Variants in PHOX2A observed in about 807,000 individuals in gnomAD.
PHOX2A encodes paired mesoderm homeobox protein 2A.
Under a neutral mutation model 16.4 loss-of-function variants are expected in PHOX2A, and 10 were observed. The observed-to-expected ratio is 0.61, with a 90% CI of 0.38 to 1.04. PHOX2A has a LOEUF of 1.04. Ranked by LOEUF, PHOX2A falls within the 50% of genes least tolerant of loss-of-function variation. The pLI is 0.01. For missense variants in PHOX2A, 361 were observed against 419.4 expected, an observed-to-expected ratio of 0.86 and a Z score of 1.22; for synonymous variants, 219 against 203.8, an observed-to-expected ratio of 1.07 and a Z score of -0.64.
Position 72,239,695 on chromosome 11 carries a change from T to C in PHOX2A, c.*54A>G. On this transcript the variant is annotated 3_prime_UTR_variant, in exon 3 of 3. Transcript: ENST00000298231. The stretch of plus-strand genomic sequence containing the variant: ...CAGGATGGGAGGGGCTGTCAGGTCC[T>C]GGAGGGGCAGGGACGTCTCTGGGGG... 2 of 1,268,868 alleles carry C rather than the reference T, an allele frequency of 1.6e-6. No individual in the cohort carries two copies. The highest frequency in any genetic ancestry group is 6.8e-5 in the Admixed American group (2 of 29,312). 78.6% of individuals were successfully genotyped at this position (1,268,868 alleles called of 1,614,324 possible). A position where few individuals can be genotyped will look rare whatever the true frequency, so the allele number is the denominator to read the frequency against.
intron 2 of PHOX2A, 59 bp downstream of exon 2, chr11:72,241,043 A>G: frequency 1.3e-6 from 2 of 1,552,930 alleles, no homozygotes; most frequent in South Asian, 1.1e-5. Context: ...GGTGTTAGAC[A>G]TTAAGCTCCC....
At position 72,239,841 on chromosome 11, in the gene PHOX2A, G is replaced by A; in HGVS notation, c.763C>T (p.Gln255Ter). Residue 255 changes from glutamine (Q) to a stop codon, truncating the protein, a stop_gained, in exon 3 of 3, where the codon CAG becomes TAG. Transcript: ENST00000298231. LOFTEE classifies it high-confidence loss of function. ...AGAAELLKAWQPAESGPGPFS... is the reference protein window; with the variant it reads ...AGAAELLKAW Reference sequence around the variant, plus strand: ...GGCCCGGGGCCGGACTCCGCCGGCTGCCAAGCCTTAAGTAGTTCGGCCGCT... The same window carrying A: ...GGCCCGGGGCCGGACTCCGCCGGCTACCAAGCCTTAAGTAGTTCGGCCGCT... 1.5e-6 allele frequency: 2 copies of A among 1,375,596 alleles called. No homozygotes were observed. The highest frequency in any genetic ancestry group is 3.0e-5 in the Admixed American group (1 of 33,846). The allele number at this position is 1,375,596 out of a possible 1,614,324, so 85.2% of individuals were successfully genotyped here.
Position 72,239,495 on chromosome 11 carries a change from A to C in PHOX2A, c.*254T>G. On this transcript the variant is annotated 3_prime_UTR_variant, in exon 3 of 3. Transcript: ENST00000298231. ...TACCGCATCCAAAGAAGGCCAAGCT[A>C]GAAGGAGCTCCGGGGTTCTCCTGGA... is the stretch of plus-strand genomic sequence containing the variant. 1 of 364,024 alleles carries C rather than the reference A, an allele frequency of 2.7e-6. No homozygotes were observed. Among genetic ancestry groups the C allele is most frequent in the Non-Finnish European group, 4.9e-6 (1 of 204,632 alleles). 22.5% of individuals were successfully genotyped at this position (364,024 alleles called of 1,614,324 possible). A position where few individuals can be genotyped will look rare whatever the true frequency, so the allele number is the denominator to read the frequency against.
Position 72,241,215 on chromosome 11 carries a change from T to C in PHOX2A, c.292A>G (p.Thr98Ala), listed in dbSNP as rs767850424. The change falls in exon 2 of 3, where the codon ACC (threonine) becomes GCC (alanine). Residue 98 changes from threonine to alanine, a missense_variant. Around this residue, in one of 3 missense-constraint regions of PHOX2A, gnomAD observed 235 missense variants for 263.8 expected, o/e 0.89. Transcript: ENST00000298231. ...TCCAGCTCCTTGAGCTGCGCGCTGG[T>C]GAACGTGGTGCGGATGCGCCGCTGC... is the stretch of plus-strand genomic sequence containing the variant. ...RKQRRIRTTF[T>A]SAQLKELERV... is the part of the protein sequence containing the mutation. The C allele has an allele frequency of 3.7e-6, 6 of 1,611,764 alleles. No homozygotes were observed. The highest frequency in any genetic ancestry group is 5.1e-6 in the Non-Finnish European group (6 of 1,179,866).
Position 72,243,773 on chromosome 11 carries a change from C to T in PHOX2A, c.217+15G>A. 2 of 1,216,274 alleles carry T rather than the reference C, an allele frequency of 1.6e-6. No individual in the cohort carries two copies. The highest frequency in any genetic ancestry group is 2.1e-6 in the Non-Finnish European group (2 of 971,222). 75.3% of individuals were successfully genotyped at this position (1,216,274 alleles called of 1,614,324 possible). On this transcript the variant is annotated intron_variant, in intron 1 of 2. Coordinates refer to ENST00000298231, the MANE Select transcript of PHOX2A (RefSeq NM_005169.4). ...GCAGGAATTGGAGGGAGGGTTGGGC[C>T]GGGGCTGCGCTCACCTGCCGAGTAG... is the stretch of plus-strand genomic sequence containing the variant.
chr11:72,241,186 G>T lies in PHOX2A; in HGVS notation c.321C>A (p.Arg107=), dbSNP rs763033368. The T allele has an allele frequency of 1.2e-6, 2 of 1,614,000 alleles. No homozygotes were observed. Among genetic ancestry groups the T allele is most frequent in the Non-Finnish European group, 1.7e-6 (2 of 1,180,042 alleles). The part of the protein sequence containing the change: ...FTSAQLKELE[R]VFAETHYPDI... ...CGGGGTAGTGGGTCTCAGCGAAAAC[G>T]CGCTCCAGCTCCTTGAGCTGCGCGC... The change falls in exon 2 of 3, where the codon CGC becomes CGA. Residue 107 remains arginine, a synonymous_variant. Coordinates refer to ENST00000298231, the MANE Select transcript of PHOX2A (RefSeq NM_005169.4).
chr11:72,240,963 G>C (rs1590727701), intron 2 of PHOX2A, 139 bp downstream of exon 2: 3 of 876,072 alleles, frequency 3.4e-6, no homozygotes, highest in South Asian at 1.4e-5. Flanking sequence ...GCTGCCTCCC[G>C]TAGCTGCCCA....
intron 1 of PHOX2A, among the ~76,000 whole-genome samples, chr11:72,243,585 G>A (rs1422147593): frequency 1.3e-5 from 2 of 152,180 alleles, no homozygotes; most frequent in African/African-American, 4.8e-5. Context: ...ATTTGGCAAC[G>A]AGAAAAAGGA....
At chr11:72,240,313 T>C in intron 2 of PHOX2A, 115 bp from the exon 3 acceptor site, 1 of 1,419,856 alleles carries the variant, frequency 7.0e-7, no homozygotes, top group Non-Finnish European at 9.3e-7. Context: ...CCCGGGTTCT[T>C]ACTAGTTGGA....
In PHOX2A at chr11:72,241,087, C is replaced by T. The variant is rs373485802; in HGVS notation, c.405+15G>A. ...TTCCATGCGCACTCTCGTACACACA[C>T]GTGCATACACGCACCTGCACGCGAG... On this transcript the variant is annotated intron_variant, in intron 2 of 2. Transcript: ENST00000298231. 13 of 1,611,768 alleles carry T rather than the reference C, an allele frequency of 8.1e-6. No homozygotes were observed. Among genetic ancestry groups the T allele is most frequent in the Non-Finnish European group, 1.1e-5 (13 of 1,178,388 alleles).
rs1178102382 is a variant in PHOX2A, at chr11:72,240,199, C to T, written c.406-1G>A. ...TGGCCCGGCGGTTCTGGAACCAGAC[C>T]TGCGGGCACAGGGGCCAGTCAGCCT... On this transcript the variant is annotated splice_acceptor_variant, in intron 2 of 2. Transcript: ENST00000298231. LOFTEE classifies it high-confidence loss of function. 1 of 1,534,856 alleles carries T rather than the reference C, an allele frequency of 6.5e-7. No individual in the cohort carries two copies. Among genetic ancestry groups the T allele is most frequent in the Non-Finnish European group, 8.7e-7 (1 of 1,145,750 alleles).
In PHOX2A at chr11:72,241,092, A is replaced by T. The variant is rs1219282225; in HGVS notation, c.405+10T>A. The T allele has an allele frequency of 6.2e-7, 1 of 1,612,944 alleles. No individual in the cohort carries two copies. The highest frequency in any genetic ancestry group is 8.5e-7 in the Non-Finnish European group (1 of 1,179,366). On this transcript the variant is annotated intron_variant, in intron 2 of 2. Coordinates refer to ENST00000298231, the MANE Select transcript of PHOX2A (RefSeq NM_005169.4). ...TGCGCACTCTCGTACACACACGTGC[A>T]TACACGCACCTGCACGCGAGCCTCA...
intron 1 of PHOX2A, 23 bp from the exon 2 acceptor site, chr11:72,241,312 C>CGGGGGGGGGGGTGCGGGGGGGCG: frequency 2.5e-6 from 1 of 399,392 alleles, no homozygotes; most frequent in Non-Finnish European, 3.9e-6. Context: ...GCAGGGGGGC[C>CGGGGGGGGGGGTGCGGGGGGGCG]GGGGGGGGGG....
Position 72,240,095 on chromosome 11 carries a change from C to G in PHOX2A, c.509G>C (p.Cys170Ser). The G allele has an allele frequency of 6.5e-7, 1 of 1,531,120 alleles. No homozygotes were observed. The highest frequency in any genetic ancestry group is 8.7e-7 in the Non-Finnish European group (1 of 1,143,784). The allele number at this position is 1,531,120 out of a possible 1,614,324, so 94.8% of individuals were successfully genotyped here. A position where few individuals can be genotyped will look rare whatever the true frequency, so the allele number is the denominator to read the frequency against. The change falls in exon 3 of 3, where the codon TGC becomes TCC. Residue 170 changes from cysteine to serine, a missense_variant. Around this residue, in one of 3 missense-constraint regions of PHOX2A, gnomAD observed 235 missense variants for 263.8 expected, o/e 0.89. Transcript: ENST00000298231. ...CTTGGAATCGTCGTCCTCGGAGGAG[C>G]AGCGCGCCTCGCCCTTTTTGGCGCC... Reference protein sequence around the residue: ...AAGAKKGEARCSSEDDDSKES... With the variant: ...AAGAKKGEARSSSEDDDSKES...
intron 2 of PHOX2A, 87 bp downstream of exon 2, chr11:72,241,015 T>C (rs1949114923): frequency 1.4e-6 from 2 of 1,408,398 alleles, no homozygotes; most frequent in African/African-American, 1.4e-5. Context: ...TGCATCTGCC[T>C]GTATTCCCCT....
In PHOX2A at chr11:72,241,090, G is replaced by A; in HGVS notation, c.405+12C>T. 6.2e-7 allele frequency: 1 copy of A among 1,612,942 alleles called. No individual in the cohort carries two copies. Among genetic ancestry groups the A allele is most frequent in the Non-Finnish European group, 8.5e-7 (1 of 1,179,360 alleles). ...CATGCGCACTCTCGTACACACACGT[G>A]CATACACGCACCTGCACGCGAGCCT... On this transcript the variant is annotated intron_variant, in intron 2 of 2. Transcript: ENST00000298231.
chr11:72,243,617 G>A (rs1390059523), intron 1 of PHOX2A, among the ~76,000 whole-genome samples, 171 bp downstream of exon 1: 2 of 152,148 alleles, frequency 1.3e-5, no homozygotes, highest in Non-Finnish European at 2.9e-5. Context: ...GAGAGGGTGA[G>A]GCTCATTCCT....
chr11:72,244,054 G>T lies in PHOX2A; in HGVS notation c.-50C>A. ...CCGGGCCAGGCCGGGTCGGGGTCGG[G>T]GTCCGGGTGGAGGTCGGAAGGGAGG... is the stretch of plus-strand genomic sequence containing the variant. On this transcript the variant is annotated 5_prime_UTR_variant, in exon 1 of 3. Coordinates refer to ENST00000298231, the MANE Select transcript of PHOX2A (RefSeq NM_005169.4). The T allele has an allele frequency of 2.1e-6, 2 of 953,174 alleles. No homozygotes were observed. Among genetic ancestry groups the T allele is most frequent in the Non-Finnish European group, 1.4e-6 (1 of 726,588 alleles). The allele number at this position is 953,174 out of a possible 1,614,324, so 59.0% of individuals were successfully genotyped here. A position where few individuals can be genotyped will look rare whatever the true frequency, so the allele number is the denominator to read the frequency against.
chr11:72,243,765 G>A, intron 1 of PHOX2A, 23 bp downstream of exon 1: 1 of 1,216,290 alleles, frequency 8.2e-7, no homozygotes, highest in Non-Finnish European at 1.0e-6. Flanking sequence ...TTGGAGGGAG[G>A]GTTGGGCCGG....
Sources: allele counts gnomAD v4.1 joint callset (sites outside exome capture counted in the v4.1 genomes callset), GRCh38; gene constraint gnomAD v4.1.1; regional missense constraint gnomAD v4.1.1; transcripts MANE v1.5; gene names NCBI Gene and HGNC (gene_info 2026-07-23, HGNC 2026-07-21).